Variants in THRA observed in about 807,000 individuals in gnomAD.
The protein encoded by THRA is EAR-7.
A neutral mutation model predicts 45.0 loss-of-function variants in THRA; 13 were observed. That is an observed-to-expected ratio of 0.29 (90% CI 0.19 to 0.46). The LOEUF is 0.46. THRA is among the 20% of genes least tolerant of loss of function. THRA has a pLI of 1.00. For synonymous variants in THRA, 195 were observed against 214.0 expected, an observed-to-expected ratio of 0.91 and a Z score of 0.78; for missense variants, 278 against 556.1, an observed-to-expected ratio of 0.50 and a Z score of 5.03.
At chr17:40,073,754 A>G (rs574423218) in intron 1 of THRA, among the ~76,000 whole-genome samples, 283 of 152,124 alleles carry the variant, frequency 1.9e-3, no homozygotes, top group Non-Finnish European at 3.5e-3. Context: ...TCTATGTCCC[A>G]TCCTTCCTTC....
At chr17:40,079,290 A>G (rs767212118) in intron 4 of THRA, among the ~76,000 whole-genome samples, 2 of 152,108 alleles carry the variant, frequency 1.3e-5, no homozygotes, top group Non-Finnish European at 2.9e-5. Flanking sequence ...TCTGTTGCCC[A>G]GCCTGGAGTG....
chr17:40,078,440 C>CA (rs1194458557), intron 4 of THRA, among the ~76,000 whole-genome samples: 4 of 152,190 alleles, frequency 2.6e-5, no homozygotes, highest in African/African-American at 7.2e-5. Context: ...GTGGTGGCGC[C>CA]ACTGCACTCC....
rs1737883423 is a variant in THRA, at chr17:40,090,004, G to A, written c.*548G>A. 2 of 988,352 alleles carry A rather than the reference G, an allele frequency of 2.0e-6. No homozygotes were observed. Among genetic ancestry groups the A allele is most frequent in the Admixed American group, 6.0e-5 (1 of 16,616 alleles). The allele number at this position is 988,352 out of a possible 1,614,324, so 61.2% of individuals were successfully genotyped here. ...AACTGCACTTTGGAAACCAAGCAAG[G>A]GGAGAAGACAAATGAAGAAAAACTA... is the stretch of plus-strand genomic sequence containing the variant. On this transcript the variant is annotated 3_prime_UTR_variant, in exon 9 of 9. Transcript: ENST00000450525.
chr17:40,079,407 G>A (rs1987062590), intron 4 of THRA, among the ~76,000 whole-genome samples: 1 of 152,060 alleles, frequency 6.6e-6, no homozygotes, highest in Admixed American at 6.5e-5. Context: ...ACCAAGCCTG[G>A]CTAATTTTTG....
intron 4 of THRA, 32 bp downstream of exon 4, chr17:40,077,640 C>A: frequency 1.9e-6 from 3 of 1,569,982 alleles, no homozygotes; most frequent in Non-Finnish European, 1.8e-6. Context: ...CCTCCCCTGC[C>A]ACCTGAGCCC....
At position 40,066,678 on chromosome 17, in the gene THRA, A is replaced by G. The variant is rs902253366; in HGVS notation, c.-298+3586A>G. Among the ~76,000 whole-genome samples the G allele has an allele frequency of 1.8e-3, 155 of 88,268 alleles. 1 individual carries two copies. Among genetic ancestry groups the G allele is most frequent in the Non-Finnish European group, 3.5e-3 (140 of 39,896 alleles). 57.9% of individuals were successfully genotyped at this position (88,268 alleles called of 152,430 possible). A position where few individuals can be genotyped will look rare whatever the true frequency, so the allele number is the denominator to read the frequency against. ...GACTCCGTCTCAAAAAAAAAAAAAA[A>G]AAAAAAGAAAAACAAAAAAGAACAA... is the stretch of plus-strand genomic sequence containing the variant. On this transcript the variant is annotated intron_variant, in intron 1 of 8. Transcript: ENST00000450525.
At chr17:40,077,695 C>CA in intron 4 of THRA, 87 bp downstream of exon 4, 1 of 1,079,254 alleles carries the variant, frequency 9.3e-7, no homozygotes, top group Non-Finnish European at 1.4e-6. Flanking sequence ...GTTAGGTCAT[C>CA]ACTTTTTTTT....
chr17:40,092,885 A>C lies in THRA; in HGVS notation c.*3429A>C. The C allele has an allele frequency of 1.6e-6, 2 of 1,271,714 alleles. No individual in the cohort carries two copies. The highest frequency in any genetic ancestry group is 2.8e-4 in the Middle Eastern group (1 of 3,572). The allele number at this position is 1,271,714 out of a possible 1,614,324, so 78.8% of individuals were successfully genotyped here. The stretch of plus-strand genomic sequence containing the variant: ...GGAGACAGAGTGGTTTAAATAGGGG[A>C]GGAGGGGAAGTTCGGTGATGGGGGA... On this transcript the variant is annotated 3_prime_UTR_variant, in exon 9 of 9. Transcript: ENST00000450525.
At chr17:40,086,005 G>A (rs1040286882) in intron 6 of THRA, among the ~76,000 whole-genome samples, 5 of 152,260 alleles carry the variant, frequency 3.3e-5, no homozygotes, top group African/African-American at 7.2e-5. Flanking sequence ...CCAGCTACTC[G>A]GGAGGCTGAG....
At chr17:40,076,823 G>T in intron 2 of THRA, 48 bp from the exon 3 acceptor site, 1 of 1,592,054 alleles carries the variant, frequency 6.3e-7, no homozygotes, top group Non-Finnish European at 8.6e-7. Flanking sequence ...TGAGAAAGGG[G>T]CTACTCGAAG....
intron 6 of THRA, among the ~76,000 whole-genome samples, chr17:40,085,383 G>C (rs1987286068): frequency 6.6e-6 from 1 of 151,620 alleles, no homozygotes; most frequent in South Asian, 2.1e-4. Context: ...ACCCAGGCTA[G>C]AGTGCAGTGG....
At chr17:40,078,592 T>A (rs946395052) in intron 4 of THRA, among the ~76,000 whole-genome samples, 1 of 152,194 alleles carries the variant, frequency 6.6e-6, no homozygotes, top group Non-Finnish European at 1.5e-5. Flanking sequence ...GAGAGTGTAG[T>A]ACGTACCTCG....
intron 2 of THRA, among the ~76,000 whole-genome samples, chr17:40,074,883 A>G (rs528985249): frequency 6.6e-6 from 1 of 152,104 alleles, no homozygotes; most frequent in Non-Finnish European, 1.5e-5. Flanking sequence ...CAGCCTTGCC[A>G]TTTTCTTCCT....
chr17:40,069,221 CTTCCCTCCCCCTTCCTCCCTCCTTCCTA>C (rs1326585045), intron 1 of THRA, among the ~76,000 whole-genome samples: 1 of 148,884 alleles, frequency 6.7e-6, no homozygotes, highest in African/African-American at 2.5e-5. Flanking sequence ...ATCTTTCTCT[CTTCCCTCCCCCTTCCTCCCTCCTTCCTA>C]TTCCCTCCCT....
At chr17:40,065,779 G>C (rs1423744162) in intron 1 of THRA, among the ~76,000 whole-genome samples, 4 of 151,894 alleles carry the variant, frequency 2.6e-5, no homozygotes, top group African/African-American at 9.7e-5. Flanking sequence ...GGAAGGGGGG[G>C]GGGGTCAGCC....
chr17:40,068,059 A>C (rs7503675), intron 1 of THRA, among the ~76,000 whole-genome samples: 41,087 of 151,906 alleles, frequency 0.27, 5,817 homozygotes, highest in Admixed American at 0.39. Context: ...AAAACAAAAA[A>C]CCCAACTCTA....
intron 7 of THRA, 59 bp downstream of exon 7, chr17:40,086,912 G>T: frequency 1.2e-6 from 2 of 1,604,168 alleles, no homozygotes; most frequent in Non-Finnish European, 1.7e-6. Flanking sequence ...CTGCTCCCCC[G>T]GTCACCCAGT....
At chr17:40,074,947 G>A (rs1168053762) in intron 2 of THRA, among the ~76,000 whole-genome samples, 6 of 152,190 alleles carry the variant, frequency 3.9e-5, no homozygotes, top group African/African-American at 9.6e-5. Flanking sequence ...CACAAGCTGC[G>A]GTTCACGTAA....
Position 40,085,339 on chromosome 17 carries a change from A to AT in THRA, c.576+538dup, listed in dbSNP as rs772225871. Among the ~76,000 whole-genome samples, 402 of 145,488 alleles carry AT rather than the reference A, an allele frequency of 2.8e-3. 1 individual carries two copies. The highest frequency in any genetic ancestry group is 4.8e-3 in the South Asian group (22 of 4,568). ...TACAGAGATCCCACCTCTATGAATAATTTTTTTTTTTTTTGATACGGAGTC... is the reference window on the plus strand; with the variant it reads ...TACAGAGATCCCACCTCTATGAATAATTTTTTTTTTTTTTTGATACGGAGTC... On this transcript the variant is annotated intron_variant, in intron 6 of 8. Coordinates refer to ENST00000450525, the MANE Select transcript of THRA (RefSeq NM_199334.5).
Sources: allele counts gnomAD v4.1 joint callset (sites outside exome capture counted in the v4.1 genomes callset), GRCh38; gene constraint gnomAD v4.1.1; transcripts MANE v1.5; gene names NCBI Gene and HGNC (gene_info 2026-07-23, HGNC 2026-07-21).